Variants in KPNA6 observed in about 807,000 individuals in gnomAD.
KPNA6 encodes the protein importin subunit alpha-7.
In KPNA6, 9 loss-of-function variants were observed where a neutral mutation model predicts 72.0. The ratio of observed to expected loss-of-function variants is 0.13; its 90% CI spans 0.08 to 0.22. The LOEUF is 0.22. Among genes scored for constraint, KPNA6 ranks in the 10% least tolerant of loss-of-function variants. The probability of loss-of-function intolerance (pLI) is 1.00; values close to 1 mark genes in which losing one functional copy is unlikely to be tolerated. For missense variants in KPNA6, 374 were observed against 655.7 expected (o/e 0.57, Z 4.69); for synonymous variants, 219 against 242.1 (o/e 0.90, Z 0.89).
chr1:32,123,178 T>C (rs1258177925), intron 1 of KPNA6, among the ~76,000 whole-genome samples: 1 of 152,168 alleles, frequency 6.6e-6, no homozygotes, highest in East Asian at 1.9e-4. Flanking sequence ...GAAACAGAAC[T>C]GTCAAAGATT....
intron 5 of KPNA6, among the ~76,000 whole-genome samples, chr1:32,158,616 G>C (rs1019740014): frequency 6.6e-6 from 1 of 152,086 alleles, no homozygotes; most frequent in Admixed American, 6.6e-5. Flanking sequence ...TTACCAAATA[G>C]TAGGTCTTAT....
At chr1:32,169,749 C>A in intron 12 of KPNA6, 133 bp from the exon 13 acceptor site, 1 of 745,538 alleles carries the variant, frequency 1.3e-6, no homozygotes, top group Non-Finnish European at 2.1e-6. Flanking sequence ...TGTGAACCAC[C>A]GCGCTCGGCC....
intron 2 of KPNA6, among the ~76,000 whole-genome samples, 174 bp downstream of exon 2, chr1:32,154,895 G>A (rs1176615311): frequency 1.3e-5 from 2 of 152,010 alleles, no homozygotes. Flanking sequence ...ATCACCTGAG[G>A]TCAGGAGTTC....
chr1:32,134,041 G>A (rs901981421), intron 1 of KPNA6, among the ~76,000 whole-genome samples: 8 of 152,108 alleles, frequency 5.3e-5, no homozygotes, highest in East Asian at 1.9e-4. Flanking sequence ...TCAGTAGTTC[G>A]AGACCAGCCT....
At chr1:32,140,635 C>T (rs1053548426) in intron 1 of KPNA6, among the ~76,000 whole-genome samples, 2 of 151,998 alleles carry the variant, frequency 1.3e-5, no homozygotes, top group Non-Finnish European at 1.5e-5. Context: ...AAAAATAGTT[C>T]GGCTATTCTT....
At position 32,119,015 on chromosome 1, in the gene KPNA6, TATATATATATATA is replaced by T. The variant is rs1444777240; in HGVS notation, c.4+10882_4+10894del. On this transcript the variant is annotated intron_variant, in intron 1 of 13. Coordinates refer to ENST00000373625, the MANE Select transcript of KPNA6 (RefSeq NM_012316.5). ...GTGTATACATATATATATATATATA[TATATATATATATA>T]TATATTTTTTTTTTTTTTTTTGAGA... 2.1e-3 allele frequency among the ~76,000 whole-genome samples: 156 copies of T among 73,516 alleles called. 2 individuals are homozygous for T. The highest frequency in any genetic ancestry group is 0.011 in the African/African-American group (144 of 13,366). 48.2% of individuals were successfully genotyped at this position (73,516 alleles called of 152,430 possible). A position where few individuals can be genotyped will look rare whatever the true frequency, so the allele number is the denominator to read the frequency against.
At chr1:32,164,762 G>T (rs1642302271) in intron 10 of KPNA6, among the ~76,000 whole-genome samples, 1 of 145,256 alleles carries the variant, frequency 6.9e-6, no homozygotes, top group Admixed American at 6.8e-5. Context: ...TGAGTTTTCT[G>T]GTTGTTCAAT....
chr1:32,163,422 C>T (rs1205091117), intron 10 of KPNA6, 109 bp downstream of exon 10: 2 of 750,978 alleles, frequency 2.7e-6, no homozygotes. Flanking sequence ...TGATGGGAGG[C>T]ACTATGGTCT....
At chr1:32,127,548 G>A (rs1204896235) in intron 1 of KPNA6, among the ~76,000 whole-genome samples, 2 of 152,238 alleles carry the variant, frequency 1.3e-5, no homozygotes, top group East Asian at 3.8e-4. Flanking sequence ...AAAAGGAAGA[G>A]CTAATCAGAG....
intron 1 of KPNA6, among the ~76,000 whole-genome samples, chr1:32,137,473 A>G (rs1641754563): frequency 6.6e-6 from 1 of 152,084 alleles, no homozygotes; most frequent in African/African-American, 2.4e-5. Flanking sequence ...GCACCTGGCT[A>G]CTTCCCCCAA....
intron 1 of KPNA6, among the ~76,000 whole-genome samples, chr1:32,152,393 A>G (rs1378343301): frequency 6.6e-6 from 1 of 152,232 alleles, no homozygotes; most frequent in Admixed American, 6.5e-5. Context: ...GATATTCAGA[A>G]AGCCATGCAC....
chr1:32,163,199 G>A, intron 9 of KPNA6, 36 bp from the exon 10 acceptor site: 3 of 1,414,622 alleles, frequency 2.1e-6, no homozygotes, highest in South Asian at 1.2e-5. Flanking sequence ...CGAAAATGGT[G>A]TGCTGGCCTT....
At chr1:32,125,742 G>T (rs1372811498) in intron 1 of KPNA6, among the ~76,000 whole-genome samples, 1 of 152,014 alleles carries the variant, frequency 6.6e-6, no homozygotes, top group Non-Finnish European at 1.5e-5. Context: ...AATTATTCAT[G>T]CCAGATGTTC....
chr1:32,162,909 C>T (rs1040556981), intron 9 of KPNA6, among the ~76,000 whole-genome samples: 1 of 151,402 alleles, frequency 6.6e-6, no homozygotes, highest in African/African-American at 2.4e-5. Context: ...TCAAGACCAT[C>T]CTGGCTAACA....
intron 1 of KPNA6, among the ~76,000 whole-genome samples, chr1:32,120,055 T>TA (rs1202316415): frequency 6.6e-6 from 1 of 151,804 alleles, no homozygotes; most frequent in African/African-American, 2.4e-5. Flanking sequence ...AAATAATACT[T>TA]ACTGCTTTGT....
At position 32,124,887 on chromosome 1, in the gene KPNA6, C is replaced by G. The variant is rs1371396926; in HGVS notation, c.4+16753C>G. ...TGAGACGGAGTTTCACTCTGTCGCC[C>G]AGGCTGCAGTATAGTGGCGCAATCT... On this transcript the variant is annotated intron_variant, in intron 1 of 13. Coordinates refer to ENST00000373625, the MANE Select transcript of KPNA6 (RefSeq NM_012316.5). 3.3e-5 allele frequency among the ~76,000 whole-genome samples: 5 copies of G among 152,084 alleles called. No homozygotes were observed. The South Asian group carries it at 1.0e-3, about 32-fold the overall frequency.
rs60616241 is a variant in KPNA6 at position 32,173,173 on chromosome 1, TAAAAAAAAAAAA to T, written c.*2289_*2300del. 3.6e-6 allele frequency: 1 copy of T among 279,374 alleles called. No individual in the cohort carries two copies. The highest frequency in any genetic ancestry group is 3.2e-5 in the African/African-American group (1 of 31,292). 17.3% of individuals were successfully genotyped at this position (279,374 alleles called of 1,614,324 possible). ...ATTAAAAAACCATTCTCTTACAGTT[TAAAAAAAAAAAA>T]AAAAAAAAAGCCTTCCCCTACCCAA... On this transcript the variant is annotated 3_prime_UTR_variant, in exon 14 of 14. Transcript: ENST00000373625.
chr1:32,173,810 A>G lies in KPNA6; in HGVS notation c.*2916A>G, dbSNP rs1642479993. On this transcript the variant is annotated 3_prime_UTR_variant, in exon 14 of 14. Transcript: ENST00000373625. ...CCCAGTCTGCTGTAGGGAATACCCT[A>G]ATTAGTTGAGGCATGCTTTTGGAAT... 1 of 152,156 alleles carries G rather than the reference A, an allele frequency of 6.6e-6. No individual in the cohort carries two copies. The highest frequency in any genetic ancestry group is 6.5e-5 in the Admixed American group (1 of 15,274). The allele number at this position is 152,156 out of a possible 1,614,324, so 9.4% of individuals were successfully genotyped here.
intron 1 of KPNA6, among the ~76,000 whole-genome samples, chr1:32,131,686 G>A (rs1298011005): frequency 6.7e-6 from 1 of 149,652 alleles, no homozygotes; most frequent in Non-Finnish European, 1.5e-5. Flanking sequence ...GTGTGTGCGT[G>A]TGTATATATA....
Sources: gnomAD v4.1 joint callset for allele counts (sites outside exome capture counted in the v4.1 genomes callset) on GRCh38, gnomAD v4.1.1 for gene constraint, MANE v1.5 for transcripts, NCBI Gene and HGNC (gene_info 2026-07-23, HGNC 2026-07-21) for gene names.